Variants in CCDC191 observed in about 807,000 individuals in gnomAD.
CCDC191 encodes the protein coiled-coil domain-containing protein 191.
In CCDC191, 99 loss-of-function variants were observed where a neutral mutation model predicts 114.0. The ratio of observed to expected loss-of-function variants is 0.87; its 90% CI spans 0.74 to 1.03. The LOEUF (loss-of-function observed/expected upper bound fraction) is 1.03, where lower values mean the gene tolerates loss of function less well. Among genes scored for constraint, CCDC191 ranks in the 50% least tolerant of loss-of-function variants. The pLI, the probability that CCDC191 is intolerant of heterozygous loss-of-function variation, is 0.00. For missense variants in CCDC191, 973 were observed against 1,087.0 expected (o/e 0.90, Z 1.47); for synonymous variants, 351 against 376.0 (o/e 0.93, Z 0.77).
intron 14 of CCDC191, 110 bp from the exon 15 acceptor site, chr3:113,979,120 G>T: frequency 2.1e-6 from 2 of 971,646 alleles, no homozygotes; most frequent in South Asian, 1.6e-5. Flanking sequence ...AGTCGGTAGA[G>T]AATAATCTGA....
At chr3:114,041,924 T>C (rs1188779076) in intron 4 of CCDC191, among the ~76,000 whole-genome samples, 2 of 151,624 alleles carry the variant, frequency 1.3e-5, no homozygotes, top group African/African-American at 4.8e-5. Flanking sequence ...ACTAGAAAAG[T>C]AATAACCTCC....
chr3:114,016,767 C>G (rs2076164908), intron 8 of CCDC191, among the ~76,000 whole-genome samples: 1 of 152,120 alleles, frequency 6.6e-6, no homozygotes, highest in Admixed American at 6.5e-5. Flanking sequence ...TCCAGATTCT[C>G]CTTATACAAG....
intron 11 of CCDC191, chr3:114,002,858 A>G: frequency 1.0e-6 from 1 of 976,174 alleles, no homozygotes; most frequent in Non-Finnish European, 1.2e-6. Context: ...CCCAGAAACC[A>G]GAATTCTAAT....
chr3:114,006,589 T>G (rs1451429978), intron 9 of CCDC191, among the ~76,000 whole-genome samples: 49 of 72,784 alleles, frequency 6.7e-4, no homozygotes, highest in African/African-American at 1.9e-3. Flanking sequence ...TTACTCCAGA[T>G]ATATATATAT....
Position 113,965,255 on chromosome 3 carries a change from A to C in CCDC191, c.2711T>G (p.Val904Gly). The C allele has an allele frequency of 1.2e-6, 2 of 1,611,786 alleles. No individual in the cohort carries two copies. The highest frequency in any genetic ancestry group is 1.7e-6 in the Non-Finnish European group (2 of 1,178,958). The change falls in exon 17 of 17, where the codon GTT becomes GGT. Residue 904 changes from valine (V) to glycine (G), a missense_variant. By Grantham distance (109) the Val-to-Gly change is moderately radical (BLOSUM62 -3). Coordinates refer to ENST00000295878, the MANE Select transcript of CCDC191 (RefSeq NM_020817.2). ...ERRQQLRRKV[V>G]EILPDFQVPG... ...TACCTGGAAGTCTGGAAGAATTTCA[A>C]CTACCTTCCTACGAAGTTGCTGTCG...
chr3:114,005,805 C>T lies in CCDC191; in HGVS notation c.1571G>A (p.Gly524Asp). ...APGNKQHKTL[G>D]AEPSQQPGSN... is the part of the protein sequence containing the mutation. Reference sequence around the variant, plus strand: ...GCCAGGCTGTTGAGAGGGTTCAGCACCCAGGGTCTTGTGCTGCTTATTGCC... The same window carrying T: ...GCCAGGCTGTTGAGAGGGTTCAGCATCCAGGGTCTTGTGCTGCTTATTGCC... Residue 524 changes from glycine to aspartate, a missense_variant, in exon 10 of 17, where the codon GGT becomes GAT. Gly to Asp is a moderately conservative substitution (Grantham distance 94, BLOSUM62 -1). Coordinates refer to ENST00000295878, the MANE Select transcript of CCDC191 (RefSeq NM_020817.2). 4 of 1,614,004 alleles carry T rather than the reference C, an allele frequency of 2.5e-6. No individual in the cohort carries two copies. The highest frequency in any genetic ancestry group is 1.1e-5 in the South Asian group (1 of 91,072).
chr3:113,983,599 ATTAC>A (rs932278993), intron 13 of CCDC191, among the ~76,000 whole-genome samples: 6 of 152,126 alleles, frequency 3.9e-5, no homozygotes, highest in African/African-American at 1.4e-4. Flanking sequence ...TTCTTTAGTC[ATTAC>A]TTTGATTATT....
At chr3:113,987,028 A>G (rs1163171279) in intron 13 of CCDC191, among the ~76,000 whole-genome samples, 2 of 152,188 alleles carry the variant, frequency 1.3e-5, no homozygotes, top group Non-Finnish European at 2.9e-5. Context: ...TGAACAGAAT[A>G]AGACACCCAC....
At chr3:113,979,935 C>A (rs2075081811) in intron 14 of CCDC191, among the ~76,000 whole-genome samples, 1 of 152,208 alleles carries the variant, frequency 6.6e-6, no homozygotes, top group Non-Finnish European at 1.5e-5. Flanking sequence ...TTTCATATAT[C>A]TCTCTGCAGT....
Position 114,031,589 on chromosome 3 carries a change from T to C in CCDC191, c.972+37A>G, listed in dbSNP as rs749642846. 4 of 1,546,766 alleles carry C rather than the reference T, an allele frequency of 2.6e-6. No individual in the cohort carries two copies. The African/African-American group carries it at 4.1e-5, about 16-fold the overall frequency. ...TGATGGAGCTCTTTGTCATTTATAC[T>C]ACAGAATGCTGAGTAAAGAGACATT... On this transcript the variant is annotated intron_variant, in intron 7 of 16. Coordinates refer to ENST00000295878, the MANE Select transcript of CCDC191 (RefSeq NM_020817.2).
rs111865143 is a variant in CCDC191 at position 114,035,117 on chromosome 3, T to A, written c.626A>T (p.Glu209Val). 10 of 1,614,040 alleles carry A rather than the reference T, an allele frequency of 6.2e-6. No individual in the cohort carries two copies. The East Asian group carries it at 2.0e-4, about 32-fold the overall frequency. Reference protein sequence around the residue: ...VKENRLRREKELEYQRIEKTL... With the variant: ...VKENRLRREKVLEYQRIEKTL... ...CTTTTCTATTCTCTGGTACTCCAGT[T>A]CTTTCTCACGTCTTAAGCGATTTTC... Residue 209 changes from glutamate (E) to valine (V), a missense_variant, in exon 6 of 17, where the codon GAA becomes GTA. Glu to Val is a moderately radical substitution (Grantham distance 121). Transcript: ENST00000295878.
At chr3:114,003,626 T>C (rs2075894224) in intron 11 of CCDC191, 2 of 985,076 alleles carry the variant, frequency 2.0e-6, no homozygotes, top group Non-Finnish European at 2.4e-6. Flanking sequence ...AAACAATAAT[T>C]TTAAAAAAAT....
chr3:114,046,649 T>A lies in CCDC191; in HGVS notation c.213A>T (p.Gln71His). 6.2e-7 allele frequency: 1 copy of A among 1,612,466 alleles called. No individual in the cohort carries two copies. The highest frequency in any genetic ancestry group is 8.5e-7 in the Non-Finnish European group (1 of 1,178,614). Residue 71 changes from glutamine to histidine, a missense_variant, in exon 3 of 17, where the codon CAA (glutamine) becomes CAT (histidine). Gln to His is a conservative substitution (Grantham distance 24). Transcript: ENST00000295878. ...NSDLPRSPWG[Q>H]ITDLKTSEQI... ...GCTCAGATGTTTTCAAATCTGTGAT[T>A]TGGCCCCAGGGACTTCTAGGTAAAT...
chr3:114,002,441 T>C lies in CCDC191; in HGVS notation c.2061+15A>G. 6.3e-7 allele frequency: 1 copy of C among 1,575,454 alleles called. No homozygotes were observed. The highest frequency in any genetic ancestry group is 8.7e-7 in the Non-Finnish European group (1 of 1,152,812). ...TCCTTCTTTTTTGACTCAGTTTGCATTTTGAATCTATTACCAATTTTTCTT... is the reference window on the plus strand; with the variant it reads ...TCCTTCTTTTTTGACTCAGTTTGCACTTTGAATCTATTACCAATTTTTCTT... On this transcript the variant is annotated intron_variant, in intron 12 of 16. Coordinates refer to ENST00000295878, the MANE Select transcript of CCDC191 (RefSeq NM_020817.2).
chr3:113,986,551 GAC>G (rs1309197261), intron 13 of CCDC191, among the ~76,000 whole-genome samples: 2 of 152,020 alleles, frequency 1.3e-5, no homozygotes, highest in Non-Finnish European at 2.9e-5. Context: ...AAAAATCAAA[GAC>G]AAAGAAAAAG....
chr3:114,055,439 T>C (rs2076758222), intron 1 of CCDC191, among the ~76,000 whole-genome samples: 1 of 152,230 alleles, frequency 6.6e-6, no homozygotes, highest in South Asian at 2.1e-4. Context: ...CTGTGCCCTC[T>C]AGTATCTAGG....
chr3:114,008,061 T>A (rs2076001965), intron 9 of CCDC191, among the ~76,000 whole-genome samples: 1 of 147,026 alleles, frequency 6.8e-6, no homozygotes, highest in Non-Finnish European at 1.5e-5. Context: ...ACTATATATA[T>A]AAATTACTAT....
At chr3:114,023,578 C>A (rs976519409) in intron 7 of CCDC191, among the ~76,000 whole-genome samples, 1 of 152,160 alleles carries the variant, frequency 6.6e-6, no homozygotes, top group Admixed American at 6.5e-5. Context: ...TGATCTTTGA[C>A]AAACCTGACA....
rs75943458 is a variant in CCDC191, at chr3:113,983,230, T to G, written c.2164-2437A>C. Among the ~76,000 whole-genome samples, 875 of 152,316 alleles carry G rather than the reference T, an allele frequency of 5.7e-3. 11 individuals are homozygous for G. The highest frequency in any genetic ancestry group is 0.02 in the African/African-American group (829 of 41,572). ...GTTTTGATTCTAAACTCTCCTGTTC[T>G]CTTTCTACCTCACTAGCTCCTTATC... On this transcript the variant is annotated intron_variant, in intron 13 of 16. Transcript: ENST00000295878.
Sources: allele counts gnomAD v4.1 joint callset (sites outside exome capture counted in the v4.1 genomes callset), GRCh38; gene constraint gnomAD v4.1.1; transcripts MANE v1.5; gene names NCBI Gene and HGNC (gene_info 2026-07-23, HGNC 2026-07-21).